The following L2HGDH variants were observed in gnomAD, a reference collection of about 807,000 sequenced individuals.
L2HGDH encodes L-2-hydroxyglutarate dehydrogenase, mitochondrial.
Under a neutral mutation model 51.5 loss-of-function variants are expected in L2HGDH, and 34 were observed. The ratio of observed to expected loss-of-function variants is 0.66; its 90% CI spans 0.50 to 0.88. L2HGDH has a LOEUF of 0.88. Ranked by LOEUF, L2HGDH falls within the 40% of genes least tolerant of loss-of-function variation. L2HGDH has a pLI of 0.00. For missense variants in L2HGDH, 558 were observed against 571.9 expected, an observed-to-expected ratio of 0.98 and a Z score of 0.25; for synonymous variants, 198 against 197.9, an observed-to-expected ratio of 1.00 and a Z score of -0.01.
chr14:50,287,326 C>CT, intron 4 of L2HGDH: 1 of 984,142 alleles, frequency 1.0e-6, no homozygotes, highest in Non-Finnish European at 1.2e-6. Context: ...TCTTTAAAGC[C>CT]TTAACAAGGA....
At chr14:50,307,957 T>G (rs1229974011) in intron 1 of L2HGDH, among the ~76,000 whole-genome samples, 1 of 152,138 alleles carries the variant, frequency 6.6e-6, no homozygotes, top group African/African-American at 2.4e-5. Flanking sequence ...TAAAATGGAC[T>G]TCATCAAAAC....
At chr14:50,271,704 A>C (rs899013190) in intron 6 of L2HGDH, among the ~76,000 whole-genome samples, 17 of 152,084 alleles carry the variant, frequency 1.1e-4, no homozygotes, top group African/African-American at 4.1e-4. Flanking sequence ...AAAGTCCCCA[A>C]TTAAAAAAAT....
intron 1 of L2HGDH, among the ~76,000 whole-genome samples, chr14:50,303,810 T>TAAA (rs5808550): frequency 7.2e-4 from 82 of 113,972 alleles, no homozygotes; most frequent in African/African-American, 1.8e-3. Flanking sequence ...TTAGACGCAT[T>TAAA]AAAAAAAAAA....
chr14:50,299,834 C>T (rs2030300621), intron 3 of L2HGDH: 1 of 154,290 alleles, frequency 6.5e-6, no homozygotes, highest in Non-Finnish European at 1.5e-5. Flanking sequence ...AGGAGAAAAT[C>T]TTTAAGATAA....
chr14:50,293,278 G>C, intron 4 of L2HGDH: 2 of 702,034 alleles, frequency 2.8e-6, no homozygotes, highest in Non-Finnish European at 2.6e-6. Flanking sequence ...TGACACAACT[G>C]GATATCTGTT....
At position 50,312,036 on chromosome 14, in the gene L2HGDH, C is replaced by CA; in HGVS notation, c.114dup (p.Gly39TrpfsTer3). 1 of 1,581,106 alleles carries CA rather than the reference C, an allele frequency of 6.3e-7. No individual in the cohort carries two copies. Among genetic ancestry groups the CA allele is most frequent in the East Asian group, 2.3e-5 (1 of 43,480 alleles). On this transcript the variant is annotated frameshift_variant, in exon 1 of 10. Coordinates refer to ENST00000267436, the MANE Select transcript of L2HGDH (RefSeq NM_024884.3). LOFTEE classifies it high-confidence loss of function. ...CTGGTGCTGGCGCTGCGGCTACCTC[C>CA]ACACAGCGGTCTTGGCCTCCCAGAC... is the stretch of plus-strand genomic sequence containing the variant.
intron 9 of L2HGDH, among the ~76,000 whole-genome samples, chr14:50,248,159 GT>G (rs1015438778): frequency 6.6e-6 from 1 of 151,894 alleles, no homozygotes; most frequent in African/African-American, 2.4e-5. Flanking sequence ...GATTTTTGTT[GT>G]TTTTTTAAAC....
intron 6 of L2HGDH, among the ~76,000 whole-genome samples, chr14:50,277,228 T>C (rs1465653656): frequency 1.3e-5 from 2 of 150,646 alleles, no homozygotes; most frequent in Non-Finnish European, 3.0e-5. Flanking sequence ...TGAGAGTTAG[T>C]TAGCATGTCT....
chr14:50,265,216 A>C (rs951392688), intron 9 of L2HGDH, 142 bp downstream of exon 9: 1 of 681,906 alleles, frequency 1.5e-6, no homozygotes, highest in Non-Finnish European at 2.6e-6. Flanking sequence ...ATTCAACAAC[A>C]TGTTGGGAAA....
At chr14:50,301,541 T>C (rs1356394271) in intron 3 of L2HGDH, among the ~76,000 whole-genome samples, 1 of 152,180 alleles carries the variant, frequency 6.6e-6, no homozygotes, top group African/African-American at 2.4e-5. Context: ...TTTGACAACA[T>C]TATGCTAAGT....
intron 9 of L2HGDH, among the ~76,000 whole-genome samples, chr14:50,258,676 G>A (rs1007934396): frequency 1.3e-5 from 2 of 151,650 alleles, no homozygotes; most frequent in Non-Finnish European, 2.9e-5. Context: ...ACCACACCCA[G>A]CTAGTTTTTA....
chr14:50,270,569 C>G (rs1284285611), intron 6 of L2HGDH, among the ~76,000 whole-genome samples: 1 of 151,692 alleles, frequency 6.6e-6, no homozygotes, highest in Non-Finnish European at 1.5e-5. Flanking sequence ...GCAGTGGCAG[C>G]GATCTCGGCT....
intron 3 of L2HGDH, among the ~76,000 whole-genome samples, chr14:50,295,341 C>T (rs2029965333): frequency 6.6e-6 from 1 of 152,082 alleles, no homozygotes. Context: ...TGCCACTGCA[C>T]TCCAGCCTAG....
At chr14:50,305,629 G>T (rs544302121) in intron 1 of L2HGDH, among the ~76,000 whole-genome samples, 21 of 152,254 alleles carry the variant, frequency 1.4e-4, no homozygotes, top group African/African-American at 3.9e-4. Context: ...TGTTAAGATA[G>T]GCTTTTTATT....
In L2HGDH at chr14:50,244,509, T is replaced by C. The variant is rs2139916281; in HGVS notation, c.*2549A>G. 10 of 985,458 alleles carry C rather than the reference T, an allele frequency of 1.0e-5. No homozygotes were observed. The highest frequency in any genetic ancestry group is 1.2e-5 in the Non-Finnish European group (10 of 829,926). 61.0% of individuals were successfully genotyped at this position (985,458 alleles called of 1,614,324 possible). A position where few individuals can be genotyped will look rare whatever the true frequency, so the allele number is the denominator to read the frequency against. ...TTTCCATCTCTTAGTAATCTTGTAA[T>C]GGAACAGAAAAATATCCTGTGTTTG... On this transcript the variant is annotated 3_prime_UTR_variant, in exon 10 of 10. Transcript: ENST00000267436.
chr14:50,287,330 A>G, intron 4 of L2HGDH: 6 of 983,694 alleles, frequency 6.1e-6, no homozygotes, highest in Non-Finnish European at 7.2e-6. Context: ...TAAAGCCTTA[A>G]CAAGGATACA....
chr14:50,250,041 A>C (rs1239336004), intron 9 of L2HGDH, among the ~76,000 whole-genome samples: 1 of 151,900 alleles, frequency 6.6e-6, no homozygotes, highest in African/African-American at 2.4e-5. Flanking sequence ...AGCTGGGATT[A>C]CAGGTGCACT....
chr14:50,248,641 A>G (rs1009682012), intron 9 of L2HGDH, among the ~76,000 whole-genome samples: 1 of 152,242 alleles, frequency 6.6e-6, no homozygotes, highest in African/African-American at 2.4e-5. Flanking sequence ...TATGATAAAG[A>G]TAAGTGATCT....
Position 50,244,959 on chromosome 14 carries a change from C to T in L2HGDH, c.*2099G>A, listed in dbSNP as rs1887935360. The T allele has an allele frequency of 1.0e-6, 1 of 985,416 alleles. No individual in the cohort carries two copies. The allele number at this position is 985,416 out of a possible 1,614,324, so 61.0% of individuals were successfully genotyped here. On this transcript the variant is annotated 3_prime_UTR_variant, in exon 10 of 10. Transcript: ENST00000267436. ...TACTCAAAGTTCTGCAGTCAGGTCG[C>T]CACATTTTCATTTACAATTTCTATT...
Sources: gnomAD v4.1 joint callset for allele counts (sites outside exome capture counted in the v4.1 genomes callset) on GRCh38, gnomAD v4.1.1 for gene constraint, MANE v1.5 for transcripts, NCBI Gene and HGNC (gene_info 2026-07-23, HGNC 2026-07-21) for gene names.